Variants in DIAPH1 observed in about 807,000 individuals in gnomAD.
DIAPH1 encodes the protein diaphanous related formin 1.
A neutral mutation model predicts 140.7 loss-of-function variants in DIAPH1; 46 were observed. The observed-to-expected ratio is 0.33, with a 90% CI of 0.26 to 0.42. The LOEUF (loss-of-function observed/expected upper bound fraction) is 0.42, where lower values mean the gene tolerates loss of function less well. Ranked by LOEUF, DIAPH1 falls within the 10% of genes least tolerant of loss-of-function variation. DIAPH1 has a pLI of 1.00. For missense variants in DIAPH1, 1,310 were observed against 1,558.7 expected, an observed-to-expected ratio of 0.84 and a Z score of 2.69; for synonymous variants, 565 against 551.6, an observed-to-expected ratio of 1.02 and a Z score of -0.34.
At chr5:141,571,840 C>G in intron 17 of DIAPH1, 86 bp downstream of exon 17, 1 of 949,022 alleles carries the variant, frequency 1.1e-6, no homozygotes. Context: ...TATCTTCACC[C>G]AGGGAAGGGA....
chr5:141,569,902 T>C (rs889056095), intron 18 of DIAPH1, among the ~76,000 whole-genome samples: 2 of 152,206 alleles, frequency 1.3e-5, no homozygotes, highest in African/African-American at 2.4e-5. Flanking sequence ...TTCTGAGTGC[T>C]TGCAATTTTT....
rs767477546 is a variant in DIAPH1 at position 141,576,772 on chromosome 5, C to A, written c.1380G>T (p.Glu460Asp). 1 of 1,611,354 alleles carries A rather than the reference C, an allele frequency of 6.2e-7. No individual in the cohort carries two copies. Among genetic ancestry groups the A allele is most frequent in the Non-Finnish European group, 8.5e-7 (1 of 1,177,486 alleles). Residue 460 changes from glutamate (E) to aspartate (D), a missense_variant, in exon 13 of 28, where the codon GAG (glutamate) becomes GAT (aspartate). This residue lies in a region of DIAPH1 where 589 missense variants were observed against 549.3 expected (regional missense o/e 1.07). Coordinates refer to ENST00000389054, the MANE Select transcript of DIAPH1 (RefSeq NM_005219.5). ...TATGCTTACCAATTAATCCCTCAAT[C>A]TCAATCTGGAGGTGCCGGCACTTGA... ...PDFKCRHLQI[E>D]IEGLIDQMID...
In DIAPH1 at chr5:141,580,759, G is replaced by A. The variant is rs771425207; in HGVS notation, c.809C>T (p.Pro270Leu). Residue 270 changes from proline to leucine, a missense_variant, in exon 8 of 28, where the codon CCG becomes CTG. Transcript: ENST00000389054. ...AKLLSALCIL[P>L]QPEDMNERVL... ...AGTCACATACATGTCCTCTGGCTGC[G>A]GTAGAATACAAAGAGCAGAAAGCAG... 18 of 1,613,946 alleles carry A rather than the reference G, an allele frequency of 1.1e-5. No individual in the cohort carries two copies. The highest frequency in any genetic ancestry group is 2.7e-5 in the African/African-American group (2 of 74,892).
chr5:141,523,333 C>T (rs919866936), intron 27 of DIAPH1, among the ~76,000 whole-genome samples: 2 of 152,198 alleles, frequency 1.3e-5, no homozygotes, highest in South Asian at 2.1e-4. Context: ...TCACTAGACA[C>T]GATAGTGCAG....
At chr5:141,576,987 G>A in intron 12 of DIAPH1, 116 bp from the exon 13 acceptor site, 2 of 726,626 alleles carry the variant, frequency 2.8e-6, no homozygotes, top group South Asian at 1.5e-5. Context: ...AAAAACTTTT[G>A]TAAAGTTAAC....
rs573692120 is a variant in DIAPH1, at chr5:141,585,207, G to A, written c.301-982C>T. 6.1e-4 allele frequency among the ~76,000 whole-genome samples: 92 copies of A among 152,046 alleles called. 1 individual carries two copies. Among genetic ancestry groups the A allele is most frequent in the African/African-American group, 2.1e-3 (88 of 41,496 alleles). ...GCTGACCTCGTGATCCACCCACCTC[G>A]GCCTCCCAAAGTGCTGGGATTACAG... On this transcript the variant is annotated intron_variant, in intron 3 of 27. Transcript: ENST00000389054.
chr5:141,536,159 G>T lies in DIAPH1; in HGVS notation c.2483-1726C>A, dbSNP rs75740383. ...TATAAAAAAAGTTCAAAAATTAGCC[G>T]GGCATGGTGGCGCGCACCTGTAGTC... On this transcript the variant is annotated intron_variant, in intron 18 of 27. Coordinates refer to ENST00000389054, the MANE Select transcript of DIAPH1 (RefSeq NM_005219.5). 3.7e-3 allele frequency: 1,359 copies of T among 369,528 alleles called. 17 individuals are homozygous for T. Among genetic ancestry groups the T allele is most frequent in the African/African-American group, 0.028 (1,287 of 46,668 alleles). The allele number at this position is 369,528 out of a possible 1,614,324, so 22.9% of individuals were successfully genotyped here. A position where few individuals can be genotyped will look rare whatever the true frequency, so the allele number is the denominator to read the frequency against.
rs948868146 is a variant in DIAPH1 at position 141,610,039 on chromosome 5, T to G, written c.117+8759A>C. On this transcript the variant is annotated intron_variant, in intron 1 of 27. Coordinates refer to ENST00000389054, the MANE Select transcript of DIAPH1 (RefSeq NM_005219.5). ...GAAGCCGAGCACAGTGGCTCACACT[T>G]GTAATCACAGGGCTTTGGGAGGCCA... 3.9e-5 allele frequency among the ~76,000 whole-genome samples: 6 copies of G among 152,252 alleles called. No homozygotes were observed. In the South Asian group the frequency reaches 1.2e-3, roughly 31 times the overall value.
intron 1 of DIAPH1, among the ~76,000 whole-genome samples, chr5:141,616,034 T>A (rs750004017): frequency 6.6e-6 from 1 of 152,206 alleles, no homozygotes; most frequent in Non-Finnish European, 1.5e-5. Context: ...GGAAATGGAA[T>A]AATGCCGGAG....
chr5:141,591,705 TA>T (rs2099898461), intron 1 of DIAPH1, among the ~76,000 whole-genome samples: 4 of 76,978 alleles, frequency 5.2e-5, no homozygotes, highest in East Asian at 5.7e-4. Flanking sequence ...GATATATATA[TA>T]TATATATATA....
chr5:141,548,109 G>T (rs746217427), intron 18 of DIAPH1, among the ~76,000 whole-genome samples: 2 of 152,016 alleles, frequency 1.3e-5, no homozygotes, highest in Non-Finnish European at 2.9e-5. Context: ...TGAGGTAGGA[G>T]GCTCACTTAA....
Position 141,573,816 on chromosome 5 carries a change from A to T in DIAPH1, c.2034T>A (p.Pro678=). Residue 678 remains proline (P), a synonymous_variant, in exon 16 of 28, where the codon CCT becomes CCA. Coordinates refer to ENST00000389054, the MANE Select transcript of DIAPH1 (RefSeq NM_005219.5). ...SLPGGTAIPP[P]PPLPGSARIP... is the part of the protein sequence containing the mutation. ...TTCTAGCACTCCCAGGCAAAGGAGG[A>T]GGTGGGGGGATGGCAGTACCTCCAG... 1 of 1,419,580 alleles carries T rather than the reference A, an allele frequency of 7.0e-7. No homozygotes were observed. Among genetic ancestry groups the T allele is most frequent in the Non-Finnish European group, 9.3e-7 (1 of 1,077,586 alleles). 87.9% of individuals were successfully genotyped at this position (1,419,580 alleles called of 1,614,324 possible). A position where few individuals can be genotyped will look rare whatever the true frequency, so the allele number is the denominator to read the frequency against.
chr5:141,541,684 C>CAA (rs145217158), intron 18 of DIAPH1, among the ~76,000 whole-genome samples: 6 of 104,172 alleles, frequency 5.8e-5, no homozygotes, highest in East Asian at 6.9e-4. Flanking sequence ...GATTCTGTCT[C>CAA]AAAAAAAAAA....
intron 27 of DIAPH1, among the ~76,000 whole-genome samples, chr5:141,522,490 A>C (rs920921917): frequency 8.4e-4 from 127 of 151,474 alleles, no homozygotes; most frequent in African/African-American, 3.1e-3. Flanking sequence ...GACAGGAAGC[A>C]TCTGGGATTC....
rs1213329779 is a variant in DIAPH1, at chr5:141,574,957, C to T, written c.1641+10G>A. ...TACAGGTCATTCTGCCTTCCCTGCT[C>T]AGGCATTACCTCTCCTGTGAGCTGG... On this transcript the variant is annotated intron_variant, in intron 15 of 27. Coordinates refer to ENST00000389054, the MANE Select transcript of DIAPH1 (RefSeq NM_005219.5). The T allele has an allele frequency of 6.2e-7, 1 of 1,614,028 alleles. No homozygotes were observed. The highest frequency in any genetic ancestry group is 2.2e-5 in the East Asian group (1 of 44,888).
chr5:141,532,306 A>C (rs982378252), intron 19 of DIAPH1, among the ~76,000 whole-genome samples: 1 of 152,050 alleles, frequency 6.6e-6, no homozygotes, highest in Admixed American at 6.6e-5. Flanking sequence ...TGAGTAGTTG[A>C]CTACTGGCAC....
chr5:141,557,047 A>T lies in DIAPH1; in HGVS notation c.2482+14381T>A, dbSNP rs923639306. 9.5e-4 allele frequency among the ~76,000 whole-genome samples: 144 copies of T among 152,346 alleles called. 1 individual carries two copies. Among genetic ancestry groups the T allele is most frequent in the African/African-American group, 3.3e-3 (137 of 41,580 alleles). On this transcript the variant is annotated intron_variant, in intron 18 of 27. Coordinates refer to ENST00000389054, the MANE Select transcript of DIAPH1 (RefSeq NM_005219.5). ...ATAAATAAATTGCAAAATAAAAAAT[A>T]AAAAAGAGCATAAGAGAGAACCTAT...
chr5:141,530,070 C>T (rs1366526344), intron 19 of DIAPH1, among the ~76,000 whole-genome samples: 1 of 152,094 alleles, frequency 6.6e-6, no homozygotes, highest in Non-Finnish European at 1.5e-5. Context: ...AGCAACAGAG[C>T]GAGACCCGTC....
At position 141,583,538 on chromosome 5, in the gene DIAPH1, A is replaced by T; in HGVS notation, c.480T>A (p.Pro160=). Residue 160 remains proline, a synonymous_variant, in exon 5 of 28, where the codon CCT becomes CCA. Coordinates refer to ENST00000389054, the MANE Select transcript of DIAPH1 (RefSeq NM_005219.5). ...QELRSGLRDM[P]LLSCLESLRV... is the part of the protein sequence containing the mutation. The stretch of plus-strand genomic sequence containing the variant: ...GAAGGGACTCCAGGCAGCTGAGCAG[A>T]GGCATATCCCGCAAGCCTGACCTCA... 1 of 1,614,194 alleles carries T rather than the reference A, an allele frequency of 6.2e-7. No homozygotes were observed. The highest frequency in any genetic ancestry group is 1.1e-5 in the South Asian group (1 of 91,074).
Sources: gnomAD v4.1 joint callset for allele counts (sites outside exome capture counted in the v4.1 genomes callset) on GRCh38, gnomAD v4.1.1 for gene constraint, gnomAD v4.1.1 regional missense constraint, MANE v1.5 for transcripts, NCBI Gene and HGNC (gene_info 2026-07-23, HGNC 2026-07-21) for gene names.